Variants in CDH8 observed in about 807,000 individuals in gnomAD.
The protein encoded by CDH8 is cadherin 8, also known as cadherin-8.
CDH8 carries 17 observed loss-of-function variants against 68.1 expected under a neutral mutation model. The observed-to-expected ratio is 0.25, with a 90% CI of 0.17 to 0.37. The LOEUF (loss-of-function observed/expected upper bound fraction) is 0.37, where lower values mean the gene tolerates loss of function less well. Among genes scored for constraint, CDH8 ranks in the 10% least tolerant of loss-of-function variants. The pLI, the probability that CDH8 is intolerant of heterozygous loss-of-function variation, is 1.00. For missense variants in CDH8, 763 were observed against 999.3 expected, an observed-to-expected ratio of 0.76 and a Z score of 3.19; for synonymous variants, 372 against 365.1, an observed-to-expected ratio of 1.02 and a Z score of -0.21.
At chr16:61,844,242 C>T (rs951259003) in intron 4 of CDH8, among the ~76,000 whole-genome samples, 11 of 127,670 alleles carry the variant, frequency 8.6e-5, no homozygotes, top group African/African-American at 2.8e-4. Context: ...CACATGGACA[C>T]AGGAAGGGGA....
At chr16:61,802,058 G>A (rs201501049) in intron 7 of CDH8, among the ~76,000 whole-genome samples, 6,320 of 144,070 alleles carry the variant, frequency 0.044, 405 homozygotes, top group East Asian at 0.25. Context: ...GCAGACTTAA[G>A]TGTCCCTGTC....
chr16:61,963,757 G>T (rs1457675441), intron 2 of CDH8, among the ~76,000 whole-genome samples: 1 of 152,200 alleles, frequency 6.6e-6, no homozygotes. Context: ...ATTCCTCAAT[G>T]TTAATTGATT....
intron 2 of CDH8, among the ~76,000 whole-genome samples, chr16:61,964,803 T>C (rs1428528284): frequency 6.6e-6 from 1 of 152,226 alleles, no homozygotes; most frequent in African/African-American, 2.4e-5. Flanking sequence ...CCTTCCATCC[T>C]ACCCTACTGC....
chr16:61,854,865 T>A (rs963228088), intron 4 of CDH8, among the ~76,000 whole-genome samples: 1 of 152,248 alleles, frequency 6.6e-6, no homozygotes, highest in Non-Finnish European at 1.5e-5. Context: ...ATTTAGATTC[T>A]TAGGGACAAC....
At chr16:61,716,608 C>T (rs1264617215) in intron 9 of CDH8, among the ~76,000 whole-genome samples, 1 of 151,602 alleles carries the variant, frequency 6.6e-6, no homozygotes, top group African/African-American at 2.4e-5. Flanking sequence ...TAGTTCTCTC[C>T]TCATAATTCA....
At chr16:61,703,633 G>T (rs1964475303) in intron 10 of CDH8, among the ~76,000 whole-genome samples, 1 of 152,180 alleles carries the variant, frequency 6.6e-6, no homozygotes, top group South Asian at 2.1e-4. Context: ...GAGGTCAGGA[G>T]ATCGAGACCA....
At chr16:61,687,287 A>T (rs952426115) in intron 10 of CDH8, among the ~76,000 whole-genome samples, 3 of 152,032 alleles carry the variant, frequency 2.0e-5, no homozygotes, top group Non-Finnish European at 4.4e-5. Context: ...CATAAAGTAC[A>T]TAAGAGTCAA....
chr16:62,007,515 C>T (rs577043656), intron 2 of CDH8, among the ~76,000 whole-genome samples: 4 of 152,208 alleles, frequency 2.6e-5, no homozygotes, highest in Middle Eastern at 3.4e-3. Context: ...CAGATTGTTC[C>T]GACTTCATGC....
chr16:61,744,123 C>A (rs927382915), intron 8 of CDH8, among the ~76,000 whole-genome samples: 1 of 152,118 alleles, frequency 6.6e-6, no homozygotes, highest in African/African-American at 2.4e-5. Context: ...GTAACTCTTT[C>A]GTGCAGTATT....
intron 10 of CDH8, among the ~76,000 whole-genome samples, chr16:61,658,255 C>A (rs1422786342): frequency 6.6e-6 from 1 of 151,970 alleles, no homozygotes; most frequent in African/African-American, 2.4e-5. Context: ...TTTTTTATAT[C>A]TTAAATGTTG....
intron 10 of CDH8, among the ~76,000 whole-genome samples, chr16:61,662,155 A>T (rs1963578165): frequency 6.7e-6 from 1 of 149,446 alleles, no homozygotes; most frequent in African/African-American, 2.5e-5. Flanking sequence ...AAAAGGAAAG[A>T]ACAGTCATAT....
chr16:61,801,709 G>T (rs948435032), intron 7 of CDH8, among the ~76,000 whole-genome samples: 5 of 152,138 alleles, frequency 3.3e-5, no homozygotes, highest in South Asian at 4.1e-4. Flanking sequence ...GGTGACGGAC[G>T]CACCTGGAAA....
At chr16:61,708,151 T>C (rs1222050828) in intron 10 of CDH8, among the ~76,000 whole-genome samples, 1 of 152,142 alleles carries the variant, frequency 6.6e-6, no homozygotes, top group South Asian at 2.1e-4. Context: ...TATTATACTT[T>C]AAGTTTTAGA....
chr16:61,885,429 A>T (rs1963654561), intron 3 of CDH8, among the ~76,000 whole-genome samples: 1 of 152,198 alleles, frequency 6.6e-6, no homozygotes, highest in Non-Finnish European at 1.5e-5. Context: ...TGAGAAATCT[A>T]GGTTACTAAT....
intron 10 of CDH8, among the ~76,000 whole-genome samples, chr16:61,689,208 T>C (rs1297226128): frequency 6.6e-6 from 1 of 152,052 alleles, no homozygotes; most frequent in Non-Finnish European, 1.5e-5. Flanking sequence ...GATTCTACAA[T>C]GACATACTAA....
chr16:61,659,804 A>C (rs1366759186), intron 10 of CDH8, among the ~76,000 whole-genome samples: 1 of 152,196 alleles, frequency 6.6e-6, no homozygotes, highest in Non-Finnish European at 1.5e-5. Context: ...AATCTTGGAA[A>C]GAGAGAGCCT....
At chr16:61,928,481 G>A (rs749603534) in intron 2 of CDH8, among the ~76,000 whole-genome samples, 1 of 152,102 alleles carries the variant, frequency 6.6e-6, no homozygotes, top group Non-Finnish European at 1.5e-5. Flanking sequence ...CATCTATCAT[G>A]TCCCTGCACT....
intron 2 of CDH8, among the ~76,000 whole-genome samples, chr16:61,955,079 G>A (rs985532239): frequency 1.3e-5 from 2 of 152,160 alleles, no homozygotes; most frequent in Non-Finnish European, 2.9e-5. Flanking sequence ...TGTAAGAAAA[G>A]GATTTGCACC....
chr16:61,820,664 T>C (rs528729500), intron 6 of CDH8, among the ~76,000 whole-genome samples: 2 of 152,122 alleles, frequency 1.3e-5, no homozygotes, highest in African/African-American at 4.8e-5. Flanking sequence ...AGTCAGTAAA[T>C]TCCTGTGGTT....
Sources: gnomAD v4.1 joint callset for allele counts (sites outside exome capture counted in the v4.1 genomes callset) on GRCh38, gnomAD v4.1.1 for gene constraint, MANE v1.5 for transcripts, NCBI Gene and HGNC (gene_info 2026-07-23, HGNC 2026-07-21) for gene names.